The following CHCHD3 variants were observed in gnomAD, a reference collection of about 807,000 sequenced individuals.
The protein encoded by CHCHD3 is coiled-coil-helix-coiled-coil-helix domain containing 3, also known as MICOS complex subunit MIC19.
A neutral mutation model predicts 38.2 loss-of-function variants in CHCHD3; 20 were observed. The ratio of observed to expected loss-of-function variants is 0.52; its 90% CI spans 0.37 to 0.76. The LOEUF (loss-of-function observed/expected upper bound fraction) is 0.76. CHCHD3 is among the 30% of genes least tolerant of loss of function. The pLI is 0.00. For synonymous variants in CHCHD3, 82 were observed against 100.0 expected, an observed-to-expected ratio of 0.82 and a Z score of 1.07; for missense variants, 245 against 279.2, an observed-to-expected ratio of 0.88 and a Z score of 0.87.
intron 2 of CHCHD3, among the ~76,000 whole-genome samples, chr7:133,063,409 T>C (rs1170738142): frequency 6.6e-6 from 1 of 152,144 alleles, no homozygotes; most frequent in Non-Finnish European, 1.5e-5. Flanking sequence ...CTTTACCTTA[T>C]CTTTCCAAGG....
intron 4 of CHCHD3, among the ~76,000 whole-genome samples, chr7:132,906,458 C>A (rs1197271147): frequency 6.6e-6 from 1 of 152,090 alleles, no homozygotes; most frequent in East Asian, 1.9e-4. Context: ...CATTGAGTAC[C>A]ATTTCATAAC....
intron 3 of CHCHD3, among the ~76,000 whole-genome samples, chr7:133,004,213 C>T (rs1812643083): frequency 6.6e-6 from 1 of 152,172 alleles, no homozygotes; most frequent in Non-Finnish European, 1.5e-5. Context: ...CTGCCTGCCT[C>T]AGCCTCCCAA....
At chr7:132,875,408 A>C (rs764639832) in intron 5 of CHCHD3, among the ~76,000 whole-genome samples, 7 of 152,190 alleles carry the variant, frequency 4.6e-5, no homozygotes, top group Non-Finnish European at 8.8e-5. Context: ...AAAGGAACTT[A>C]CCTATTTAAT....
chr7:132,831,469 A>C (rs985898961), intron 6 of CHCHD3, among the ~76,000 whole-genome samples: 15 of 152,214 alleles, frequency 9.9e-5, no homozygotes, highest in Non-Finnish European at 2.1e-4. Context: ...GATACCTGTC[A>C]GCTGCAGATA....
At chr7:132,904,405 T>A (rs1809744692) in intron 4 of CHCHD3, among the ~76,000 whole-genome samples, 1 of 152,210 alleles carries the variant, frequency 6.6e-6, no homozygotes, top group Non-Finnish European at 1.5e-5. Context: ...AGAATACAGA[T>A]TATTCTGACT....
In CHCHD3 at chr7:133,030,072, T is replaced by G. The variant is rs374412649; in HGVS notation, c.170-5445A>C. Among the ~76,000 whole-genome samples the G allele has an allele frequency of 2.2e-4, 33 of 150,636 alleles. 1 individual carries two copies. The highest frequency in any genetic ancestry group is 7.3e-4 in the African/African-American group (30 of 41,182). On this transcript the variant is annotated intron_variant, in intron 2 of 7. Transcript: ENST00000262570. ...CCAAGGTCACAACTGAAAAAGTAAT[T>G]ACCTTAGCTACAAATGAGAAGTTAA...
intron 4 of CHCHD3, among the ~76,000 whole-genome samples, chr7:132,920,739 C>T (rs2117237433): frequency 6.6e-6 from 1 of 152,122 alleles, no homozygotes; most frequent in South Asian, 2.1e-4. Flanking sequence ...CTTGCTATGC[C>T]TCAAAATAAG....
intron 3 of CHCHD3, among the ~76,000 whole-genome samples, chr7:133,001,492 G>T (rs1307378098): frequency 1.3e-5 from 2 of 151,970 alleles, no homozygotes; most frequent in Non-Finnish European, 2.9e-5. Flanking sequence ...TCAACTAAAA[G>T]GAATATTTTT....
At position 133,081,979 on chromosome 7, in the gene CHCHD3, C is replaced by G. The variant is rs1412585262; in HGVS notation, c.-42G>C. ...CCAGCGGAGACCTAGCGGGGAACCA[C>G]GAGCACTTCGGGGCCCCCGCACCCA... On this transcript the variant is annotated 5_prime_UTR_variant, in exon 1 of 8. Transcript: ENST00000262570. The G allele has an allele frequency of 2.0e-6, 3 of 1,497,836 alleles. No individual in the cohort carries two copies. The highest frequency in any genetic ancestry group is 1.4e-5 in the African/African-American group (1 of 71,492). The allele number at this position is 1,497,836 out of a possible 1,614,324, so 92.8% of individuals were successfully genotyped here.
intron 6 of CHCHD3, among the ~76,000 whole-genome samples, chr7:132,822,773 C>G (rs545586069): frequency 8.5e-5 from 13 of 152,070 alleles, no homozygotes; most frequent in African/African-American, 3.1e-4. Flanking sequence ...GAGTTTGTTT[C>G]GCTGCAGCCT....
chr7:132,967,729 T>C (rs1227263282), intron 4 of CHCHD3, among the ~76,000 whole-genome samples: 1 of 147,006 alleles, frequency 6.8e-6, no homozygotes, highest in African/African-American at 2.5e-5. Context: ...ACTCAGGAGG[T>C]TGAGGTGGGA....
intron 6 of CHCHD3, among the ~76,000 whole-genome samples, chr7:132,800,803 AAAG>A (rs761776598): frequency 6.6e-6 from 1 of 152,180 alleles, no homozygotes; most frequent in Non-Finnish European, 1.5e-5. Flanking sequence ...AACAAGAAGG[AAAG>A]AAGGAGGGAG....
chr7:132,888,819 C>T (rs1256185147), intron 4 of CHCHD3, among the ~76,000 whole-genome samples: 1 of 151,848 alleles, frequency 6.6e-6, no homozygotes, highest in East Asian at 1.9e-4. Context: ...AAAAACACGT[C>T]ATAAAATAGC....
At chr7:132,959,053 G>A (rs960910699) in intron 4 of CHCHD3, among the ~76,000 whole-genome samples, 4 of 152,222 alleles carry the variant, frequency 2.6e-5, no homozygotes, top group African/African-American at 9.7e-5. Context: ...TCTTGAGAGA[G>A]AGGGAAATTA....
At chr7:132,917,035 T>C (rs563833642) in intron 4 of CHCHD3, among the ~76,000 whole-genome samples, 3 of 152,202 alleles carry the variant, frequency 2.0e-5, no homozygotes, top group Non-Finnish European at 4.4e-5. Context: ...ACTGCATTTA[T>C]AATAAAGTCT....
chr7:133,061,506 C>CA (rs1430903005), intron 2 of CHCHD3, among the ~76,000 whole-genome samples: 1 of 150,306 alleles, frequency 6.7e-6, no homozygotes, highest in Non-Finnish European at 1.5e-5. Context: ...GAGCAAGGTG[C>CA]ATGTGCATGA....
At chr7:132,956,826 T>C (rs1811185150) in intron 4 of CHCHD3, among the ~76,000 whole-genome samples, 1 of 152,208 alleles carries the variant, frequency 6.6e-6, no homozygotes, top group African/African-American at 2.4e-5. Flanking sequence ...CCCAGCCACT[T>C]AGGCTGAGGA....
At chr7:132,850,165 T>C (rs547783984) in intron 5 of CHCHD3, among the ~76,000 whole-genome samples, 27 of 152,268 alleles carry the variant, frequency 1.8e-4, no homozygotes, top group African/African-American at 6.3e-4. Flanking sequence ...CTTCTGCCTC[T>C]CTCCTTTTCC....
At chr7:133,001,604 A>G (rs1166644838) in intron 3 of CHCHD3, among the ~76,000 whole-genome samples, 2 of 152,222 alleles carry the variant, frequency 1.3e-5, no homozygotes, top group Admixed American at 1.3e-4. Context: ...TACACATGGC[A>G]TAGCTTTCCA....
Sources: allele counts gnomAD v4.1 joint callset (sites outside exome capture counted in the v4.1 genomes callset), GRCh38; gene constraint gnomAD v4.1.1; transcripts MANE v1.5; gene names NCBI Gene and HGNC (gene_info 2026-07-23, HGNC 2026-07-21).